The following CNTN4 variants were observed in gnomAD, a reference collection of about 807,000 sequenced individuals.
CNTN4 encodes contactin 4.
A neutral mutation model predicts 122.5 loss-of-function variants in CNTN4; 77 were observed. The observed-to-expected ratio is 0.63, with a 90% CI of 0.52 to 0.76. The LOEUF is 0.76. Ranked by LOEUF, CNTN4 falls within the 30% of genes least tolerant of loss-of-function variation. The probability of loss-of-function intolerance (pLI) is 0.00; values close to 1 mark genes in which losing one functional copy is unlikely to be tolerated. For missense variants in CNTN4, 1,256 were observed against 1,259.1 expected, an observed-to-expected ratio of 1.00 and a Z score of 0.04; for synonymous variants, 512 against 447.0, an observed-to-expected ratio of 1.15 and a Z score of -1.83.
intron 23 of CNTN4, among the ~76,000 whole-genome samples, chr3:3,044,229 G>A (rs1173117508): frequency 6.6e-6 from 1 of 152,192 alleles, no homozygotes; most frequent in African/African-American, 2.4e-5. Flanking sequence ...GAACATGTCT[G>A]TAGCCTTCTT....
chr3:2,413,297 G>A (rs186659184), intron 3 of CNTN4, among the ~76,000 whole-genome samples: 1 of 152,266 alleles, frequency 6.6e-6, no homozygotes. Context: ...CAATGTTCTT[G>A]ATCAAATCAT....
chr3:2,705,144 G>A (rs1025741337), intron 4 of CNTN4, among the ~76,000 whole-genome samples: 6 of 151,132 alleles, frequency 4.0e-5, no homozygotes, highest in Admixed American at 1.3e-4. Flanking sequence ...CGAGGCAGGC[G>A]GATCACGAGG....
chr3:2,666,768 A>G (rs1168326675), intron 4 of CNTN4, among the ~76,000 whole-genome samples: 3 of 105,764 alleles, frequency 2.8e-5, no homozygotes, highest in Non-Finnish European at 3.5e-5. Context: ...AACAGGCCCC[A>G]GTGTGTGATG....
At chr3:2,136,726 G>A (rs1164637458) in intron 2 of CNTN4, among the ~76,000 whole-genome samples, 2 of 151,562 alleles carry the variant, frequency 1.3e-5, no homozygotes, top group African/African-American at 2.4e-5. Flanking sequence ...GGGTATTCCA[G>A]TTGTATAAAT....
intron 7 of CNTN4, among the ~76,000 whole-genome samples, chr3:2,827,892 A>G (rs1475660251): frequency 6.6e-6 from 1 of 152,204 alleles, no homozygotes; most frequent in African/African-American, 2.4e-5. Flanking sequence ...GTTGTCTTAA[A>G]CATATTTTTA....
chr3:2,283,722 G>C lies in CNTN4; in HGVS notation c.-144-55456G>C, dbSNP rs1311175661. ...TCTTTCTTCTATCCAGAAAGGGTTA[G>C]TCAATTTTGCATTGAGCACCATCAC... On this transcript the variant is annotated intron_variant, in intron 2 of 24. Coordinates refer to ENST00000418658, the MANE Select transcript of CNTN4 (RefSeq NM_175607.3). 2.6e-5 allele frequency among the ~76,000 whole-genome samples: 4 copies of C among 152,072 alleles called. No homozygotes were observed. The East Asian group carries it at 7.7e-4, about 29-fold the overall frequency.
At chr3:2,918,943 T>C (rs1271441103) in intron 12 of CNTN4, among the ~76,000 whole-genome samples, 1 of 152,220 alleles carries the variant, frequency 6.6e-6, no homozygotes, top group Non-Finnish European at 1.5e-5. Context: ...ATTTCTTTCC[T>C]GCAACATACA....
chr3:2,925,674 T>C lies in CNTN4; in HGVS notation c.1253T>C (p.Leu418Pro), dbSNP rs201278429. 151 of 1,614,038 alleles carry C rather than the reference T, an allele frequency of 9.4e-5. No individual in the cohort carries two copies. Among genetic ancestry groups the C allele is most frequent in the Middle Eastern group, 1.6e-4 (1 of 6,082 alleles). Residue 418 changes from leucine to proline, a missense_variant, in exon 13 of 25, where the codon CTT becomes CCT. Physicochemically the swap from Leu to Pro is moderately conservative, Grantham distance 98. Transcript: ENST00000418658. ...AGAACACTCTTGAAAAGAGTAACTC[T>C]TGTCAAAGTGGGAGGTGAAGTTGTC... The part of the protein sequence containing the change: ...FSRTLLKRVT[L>P]VKVGGEVVIE...
intron 3 of CNTN4, among the ~76,000 whole-genome samples, chr3:2,340,702 T>TAGAGAG (rs1330266104): frequency 4.9e-4 from 7 of 14,358 alleles, no homozygotes; most frequent in Non-Finnish European, 2.0e-3. Context: ...TATATATATA[T>TAGAGAG]ATATATATAG....
chr3:2,753,532 A>G (rs17019747), intron 6 of CNTN4, among the ~76,000 whole-genome samples: 36,137 of 152,120 alleles, frequency 0.24, 5,005 homozygotes, highest in African/African-American at 0.38. Flanking sequence ...AACTTTCACC[A>G]AGGATACAGC....
At chr3:2,321,623 C>T (rs1260305612) in intron 2 of CNTN4, among the ~76,000 whole-genome samples, 2 of 150,948 alleles carry the variant, frequency 1.3e-5, no homozygotes, top group African/African-American at 2.4e-5. Context: ...ATTCTCTTTT[C>T]ATACTTAGTC....
chr3:2,441,146 A>G (rs1236163010), intron 3 of CNTN4, among the ~76,000 whole-genome samples: 11 of 152,078 alleles, frequency 7.2e-5, no homozygotes, highest in Non-Finnish European at 7.4e-5. Flanking sequence ...CAGTTCATTT[A>G]TAAAGTGTCA....
intron 3 of CNTN4, among the ~76,000 whole-genome samples, chr3:2,552,917 G>A (rs565860159): frequency 3.3e-5 from 5 of 152,254 alleles, no homozygotes; most frequent in African/African-American, 9.6e-5. Context: ...TGTTGAGTAG[G>A]CACCCGGAGA....
intron 4 of CNTN4, among the ~76,000 whole-genome samples, chr3:2,692,695 ACT>A (rs1448489859): frequency 2.0e-5 from 3 of 152,066 alleles, no homozygotes; most frequent in East Asian, 1.9e-4. Flanking sequence ...TCTTGTGGTG[ACT>A]CTGTCAAGAA....
At chr3:2,779,527 T>C (rs1319222329) in intron 6 of CNTN4, among the ~76,000 whole-genome samples, 1 of 152,194 alleles carries the variant, frequency 6.6e-6, no homozygotes, top group Non-Finnish European at 1.5e-5. Context: ...TTTTATTTTT[T>C]AGTTATTATG....
At chr3:2,798,516 T>C (rs956728491) in intron 6 of CNTN4, among the ~76,000 whole-genome samples, 1 of 152,152 alleles carries the variant, frequency 6.6e-6, no homozygotes, top group Non-Finnish European at 1.5e-5. Context: ...GGTATCTTTT[T>C]CTTTTCTTTT....
intron 4 of CNTN4, among the ~76,000 whole-genome samples, chr3:2,677,499 T>TGAG (rs2084935031): frequency 6.6e-6 from 1 of 151,790 alleles, no homozygotes; most frequent in Non-Finnish European, 1.5e-5. Context: ...TCTATCTATC[T>TGAG]ATCTATCTAT....
At chr3:2,807,847 C>G (rs1160887878) in intron 6 of CNTN4, among the ~76,000 whole-genome samples, 1 of 152,130 alleles carries the variant, frequency 6.6e-6, no homozygotes, top group Admixed American at 6.6e-5. Flanking sequence ...TAACATCTGC[C>G]TCTCCTTGTA....
intron 7 of CNTN4, among the ~76,000 whole-genome samples, chr3:2,858,154 G>A (rs565578143): frequency 1.0e-3 from 154 of 152,326 alleles, no homozygotes; most frequent in African/African-American, 3.5e-3. Context: ...AGAGCCTAAT[G>A]TATCCAAACC....
Sources: gnomAD v4.1 joint callset for allele counts (sites outside exome capture counted in the v4.1 genomes callset) on GRCh38, gnomAD v4.1.1 for gene constraint, MANE v1.5 for transcripts, NCBI Gene and HGNC (gene_info 2026-07-23, HGNC 2026-07-21) for gene names.